Variants in ORMDL2 observed in about 807,000 individuals in gnomAD.
ORMDL2 encodes ORM1-like protein 2.
Under a neutral mutation model 13.5 loss-of-function variants are expected in ORMDL2, and 11 were observed. The observed-to-expected ratio is 0.82, with a 90% confidence interval of 0.51 to 1.35. The LOEUF (loss-of-function observed/expected upper bound fraction) is 1.35. Among genes scored for constraint, ORMDL2 ranks in the 40% most tolerant of loss-of-function variants. ORMDL2 has a pLI of 0.00. For synonymous variants in ORMDL2, 73 were observed against 76.5 expected (o/e 0.95, Z 0.24); for missense variants, 160 against 191.1 (o/e 0.84, Z 0.96).
At position 55,818,114 on chromosome 12, in the gene ORMDL2, T is replaced by G. The variant is rs1468458348; in HGVS notation, c.-2+2T>G. ...CCGGACGGGGATCTGAGCTGGCAGG[T>G]AGGAGCTGCAAAGACTGTAAGGGTT... On this transcript the variant is annotated splice_donor_variant, in intron 1 of 3. Transcript: ENST00000243045. LOFTEE classifies it low-confidence loss of function (5UTR_SPLICE). 2.1e-6 allele frequency: 1 copy of G among 481,838 alleles called. No individual in the cohort carries two copies. The highest frequency in any genetic ancestry group is 2.0e-5 in the African/African-American group (1 of 51,002). 29.8% of individuals were successfully genotyped at this position (481,838 alleles called of 1,614,324 possible).
chr12:55,819,119 C>T lies in ORMDL2; in HGVS notation c.120C>T (p.Ile40=), dbSNP rs1565687245. ...TGCTGCATATGGTTCTACTCAGCAT[C>T]CCCTTCTTCAGCATTCCTGTTGTCT... ...VGLLHMVLLS[I]PFFSIPVVWT... Residue 40 remains isoleucine (I), a synonymous_variant, in exon 2 of 4, where the codon ATC becomes ATT. Coordinates refer to ENST00000243045, the MANE Select transcript of ORMDL2 (RefSeq NM_014182.5). The T allele has an allele frequency of 1.9e-6, 3 of 1,614,144 alleles. No individual in the cohort carries two copies. Among genetic ancestry groups the T allele is most frequent in the Non-Finnish European group, 2.5e-6 (3 of 1,180,010 alleles).
In ORMDL2 at chr12:55,819,193, C is replaced by A; in HGVS notation, c.174+20C>A. On this transcript the variant is annotated intron_variant, in intron 2 of 3. Transcript: ENST00000243045. ...AACCTGGTGAGCACTAAACCACGCC[C>A]TTGTACCCACCCCAGGGTTTCCCAA... The A allele has an allele frequency of 6.2e-7, 1 of 1,605,096 alleles. No individual in the cohort carries two copies. The highest frequency in any genetic ancestry group is 1.1e-5 in the South Asian group (1 of 90,938).
chr12:55,820,443 C>CA lies in ORMDL2; in HGVS notation c.*49dup. On this transcript the variant is annotated 3_prime_UTR_variant, in exon 4 of 4. Coordinates refer to ENST00000243045, the MANE Select transcript of ORMDL2 (RefSeq NM_014182.5). ...CATGGGCATGGGGAAGGCACTGAAA[C>CA]AGAGGACTATAAAACATCCTTCTCT... The CA allele has an allele frequency of 6.3e-7, 1 of 1,599,450 alleles. No homozygotes were observed. The highest frequency in any genetic ancestry group is 8.6e-7 in the Non-Finnish European group (1 of 1,166,616).
Position 55,819,191 on chromosome 12 carries a change from C to G in ORMDL2, c.174+18C>G. 6.2e-7 allele frequency: 1 copy of G among 1,604,930 alleles called. No homozygotes were observed. Among genetic ancestry groups the G allele is most frequent in the Non-Finnish European group, 8.5e-7 (1 of 1,172,242 alleles). On this transcript the variant is annotated intron_variant, in intron 2 of 3. Transcript: ENST00000243045. Reference sequence around the variant, plus strand: ...ATAACCTGGTGAGCACTAAACCACGCCCTTGTACCCACCCCAGGGTTTCCC... The same window carrying G: ...ATAACCTGGTGAGCACTAAACCACGGCCTTGTACCCACCCCAGGGTTTCCC...
At chr12:55,818,207 G>T in intron 1 of ORMDL2, 95 bp downstream of exon 1, 1 of 377,554 alleles carries the variant, frequency 2.6e-6, no homozygotes. Context: ...TGAGAGGGGA[G>T]CGCTGAAGGG....
chr12:55,820,128 T>G (rs1592590897), intron 3 of ORMDL2, 132 bp from the exon 4 acceptor site: 6 of 806,970 alleles, frequency 7.4e-6, no homozygotes, highest in Non-Finnish European at 4.1e-6. Context: ...GAGGTTGTAC[T>G]GCACGTATCA....
At chr12:55,820,098 T>C in intron 3 of ORMDL2, 162 bp from the exon 4 acceptor site, 1 of 662,978 alleles carries the variant, frequency 1.5e-6, no homozygotes. Context: ...GGCAGAAGGA[T>C]TGTTTGAGCC....
chr12:55,821,749 C>T lies in ORMDL2; in HGVS notation c.*1354C>T, dbSNP rs1323203800. The T allele has an allele frequency of 1.2e-5, 4 of 342,214 alleles. No individual in the cohort carries two copies. Among genetic ancestry groups the T allele is most frequent in the Admixed American group, 4.6e-5 (1 of 21,926 alleles). The allele number at this position is 342,214 out of a possible 1,614,324, so 21.2% of individuals were successfully genotyped here. ...GTGTGTGCCTGTAATCCCAGCTACT[C>T]AGGAGGCTGAGATGGGAGAATTGCT... On this transcript the variant is annotated 3_prime_UTR_variant, in exon 4 of 4. Coordinates refer to ENST00000243045, the MANE Select transcript of ORMDL2 (RefSeq NM_014182.5).
rs760395757 is a variant in ORMDL2, at chr12:55,819,035, C to T, written c.36C>T (p.Pro12=). 57 of 1,614,086 alleles carry T rather than the reference C, an allele frequency of 3.5e-5. No homozygotes were observed. The highest frequency in any genetic ancestry group is 5.0e-5 in the Admixed American group (3 of 60,016). Residue 12 remains proline (P), a synonymous_variant, in exon 2 of 4, where the codon CCC becomes CCT. Coordinates refer to ENST00000243045, the MANE Select transcript of ORMDL2 (RefSeq NM_014182.5). ...NVGVAHSEVN[P]NTRVMNSRGI... ...GGGTGGCACACAGCGAAGTAAACCC[C>T]AACACCCGAGTGATGAATAGCCGAG...
In ORMDL2 at chr12:55,819,142, T is replaced by C; in HGVS notation, c.143T>C (p.Val48Ala). The change falls in exon 2 of 4, where the codon GTC becomes GCC. Residue 48 changes from valine to alanine, a missense_variant. Transcript: ENST00000243045. ...ATCCCCTTCTTCAGCATTCCTGTTG[T>C]CTGGACCCTGACCAACGTCATCCAT... ...LSIPFFSIPV[V>A]WTLTNVIHNL... The C allele has an allele frequency of 1.2e-6, 2 of 1,614,148 alleles. No individual in the cohort carries two copies. The highest frequency in any genetic ancestry group is 1.7e-6 in the Non-Finnish European group (2 of 1,180,012).
chr12:55,820,631 C>T lies in ORMDL2; in HGVS notation c.*236C>T, dbSNP rs185258417. 82 of 525,448 alleles carry T rather than the reference C, an allele frequency of 1.6e-4. No individual in the cohort carries two copies. Among genetic ancestry groups the T allele is most frequent in the African/African-American group, 1.3e-3 (69 of 52,878 alleles). The allele number at this position is 525,448 out of a possible 1,614,324, so 32.5% of individuals were successfully genotyped here. Reference sequence around the variant, plus strand: ...GGCAGGTGAGGTAAGGGCCAAATCACTCTCCTCCATAGCAGGAAGCCATTT... The same window carrying T: ...GGCAGGTGAGGTAAGGGCCAAATCATTCTCCTCCATAGCAGGAAGCCATTT... On this transcript the variant is annotated 3_prime_UTR_variant, in exon 4 of 4. Transcript: ENST00000243045.
At chr12:55,820,123 T>G (rs1386029736) in intron 3 of ORMDL2, 137 bp from the exon 4 acceptor site, 1 of 771,670 alleles carries the variant, frequency 1.3e-6, no homozygotes, top group Admixed American at 2.3e-5. Context: ...AGTTTGAGGT[T>G]GTACTGCACG....
chr12:55,818,913 C>A, intron 1 of ORMDL2, 86 bp from the exon 2 acceptor site: 1 of 1,152,116 alleles, frequency 8.7e-7, no homozygotes, highest in Non-Finnish European at 1.3e-6. Context: ...GGGATTGGGG[C>A]TATCTGAGAG....
In ORMDL2 at chr12:55,820,380, C is replaced by T. The variant is rs2136214576; in HGVS notation, c.447C>T (p.Gly149=). The change falls in exon 4 of 4, where the codon GGC becomes GGT. Residue 149 remains glycine, a synonymous_variant. Coordinates refer to ENST00000243045, the MANE Select transcript of ORMDL2 (RefSeq NM_014182.5). ...AGTTCCATGGGGTTCGTGTCTTTGG[C>T]ATCAACAAATACTGAGGGATGGGTT... ...LPQFHGVRVF[G]INKY is the part of the protein sequence containing the mutation. 1 of 1,614,146 alleles carries T rather than the reference C, an allele frequency of 6.2e-7. No homozygotes were observed. Among genetic ancestry groups the T allele is most frequent in the Non-Finnish European group, 8.5e-7 (1 of 1,180,026 alleles).
At chr12:55,819,313 C>T in intron 2 of ORMDL2, 29 bp from the exon 3 acceptor site, 1 of 1,603,840 alleles carries the variant, frequency 6.2e-7, no homozygotes, top group Non-Finnish European at 8.5e-7. Flanking sequence ...ACTTTCTGCC[C>T]CTCACACTGC....
rs563977009 is a variant in ORMDL2 at position 55,820,542 on chromosome 12, A to T, written c.*147A>T. The T allele has an allele frequency of 1.1e-5, 11 of 966,668 alleles. No individual in the cohort carries two copies. Among genetic ancestry groups the T allele is most frequent in the East Asian group, 2.5e-5 (1 of 40,108 alleles). 59.9% of individuals were successfully genotyped at this position (966,668 alleles called of 1,614,324 possible). On this transcript the variant is annotated 3_prime_UTR_variant, in exon 4 of 4. Transcript: ENST00000243045. ...CCTTTCCCAGACTCCCAAGAAGAGA[A>T]GAGATTGGCAAATGGGGCTCCTGGG... is the stretch of plus-strand genomic sequence containing the variant.
In ORMDL2 at chr12:55,820,446, A is replaced by C. The variant is rs1880636340; in HGVS notation, c.*51A>C. The C allele has an allele frequency of 6.3e-7, 1 of 1,594,354 alleles. No individual in the cohort carries two copies. Among genetic ancestry groups the C allele is most frequent in the East Asian group, 2.2e-5 (1 of 44,780 alleles). ...GGGCATGGGGAAGGCACTGAAACAG[A>C]GGACTATAAAACATCCTTCTCTTAT... On this transcript the variant is annotated 3_prime_UTR_variant, in exon 4 of 4. Coordinates refer to ENST00000243045, the MANE Select transcript of ORMDL2 (RefSeq NM_014182.5).
rs775539771 is a variant in ORMDL2 at position 55,819,180 on chromosome 12, AC to A, written c.174+8del. 1 of 1,612,712 alleles carries A rather than the reference AC, an allele frequency of 6.2e-7. No individual in the cohort carries two copies. Among genetic ancestry groups the A allele is most frequent in the Non-Finnish European group, 8.5e-7 (1 of 1,178,744 alleles). ...CAACGTCATCCATAACCTGGTGAGC[AC>A]TAAACCACGCCCTTGTACCCACCCC... On this transcript the variant is annotated splice_region_variant and intron_variant, in intron 2 of 3. Transcript: ENST00000243045.
At chr12:55,819,208 G>C (rs752285267) in intron 2 of ORMDL2, 35 bp downstream of exon 2, 17 of 1,598,382 alleles carry the variant, frequency 1.1e-5, no homozygotes, top group Non-Finnish European at 1.5e-5. Flanking sequence ...ACCCACCCCA[G>C]GGTTTCCCAA....
Sources: allele counts gnomAD v4.1 joint callset, GRCh38; gene constraint gnomAD v4.1.1; transcripts MANE v1.5; gene names NCBI Gene and HGNC (gene_info 2026-07-23, HGNC 2026-07-21).